Variants in UBQLN1 observed in about 807,000 individuals in gnomAD.
The protein encoded by UBQLN1 is ubiquilin 1, also known as ubiquilin-1.
A neutral mutation model predicts 65.4 loss-of-function variants in UBQLN1; 13 were observed. The ratio of observed to expected loss-of-function variants is 0.20; its 90% CI spans 0.13 to 0.32. The LOEUF (loss-of-function observed/expected upper bound fraction) is 0.32. UBQLN1 is among the 10% of genes least tolerant of loss of function. UBQLN1 has a pLI of 1.00. For synonymous variants in UBQLN1, 267 were observed against 247.8 expected (o/e 1.08, Z -0.73); for missense variants, 561 against 724.0 (o/e 0.77, Z 2.58).
chr9:83,669,376 A>G, intron 6 of UBQLN1, 49 bp from the exon 7 acceptor site: 1 of 1,517,590 alleles, frequency 6.6e-7, no homozygotes, highest in Non-Finnish European at 8.8e-7. Flanking sequence ...ATACTTAAAC[A>G]AAAGTTAAAG....
rs1831540859 is a variant in UBQLN1, at chr9:83,660,163, T to C, written c.*1624A>G. ...CTACTTATGCCTCCACCGTAACCTT[T>C]GTACTTGTTTTCCTCCTGGGGAAAG... is the stretch of plus-strand genomic sequence containing the variant. On this transcript the variant is annotated 3_prime_UTR_variant, in exon 11 of 11. Coordinates refer to ENST00000376395, the MANE Select transcript of UBQLN1 (RefSeq NM_013438.5). 6.6e-6 allele frequency: 1 copy of C among 152,606 alleles called. No homozygotes were observed. The highest frequency in any genetic ancestry group is 1.5e-5 in the Non-Finnish European group (1 of 68,032). The allele number at this position is 152,606 out of a possible 1,614,324, so 9.5% of individuals were successfully genotyped here. A position where few individuals can be genotyped will look rare whatever the true frequency, so the allele number is the denominator to read the frequency against.
chr9:83,667,919 T>C, intron 7 of UBQLN1: 2 of 982,644 alleles, frequency 2.0e-6, no homozygotes, highest in Non-Finnish European at 2.4e-6. Flanking sequence ...CATTTTGTTT[T>C]AGAGTAAAAA....
At chr9:83,683,296 C>A (rs1320846801) in intron 2 of UBQLN1, among the ~76,000 whole-genome samples, 2 of 151,730 alleles carry the variant, frequency 1.3e-5, no homozygotes, top group Admixed American at 6.6e-5. Flanking sequence ...CCTATAGTCC[C>A]AGCTACTTGG....
intron 1 of UBQLN1, among the ~76,000 whole-genome samples, chr9:83,705,245 C>CATTTTTTTTTT (rs1564175219): frequency 2.5e-5 from 1 of 40,044 alleles, no homozygotes; most frequent in Non-Finnish European, 4.2e-5. Context: ...AGCCAGCACT[C>CATTTTTTTTTT]CTTTTTTTTT....
chr9:83,702,069 CAT>C (rs1293441282), intron 1 of UBQLN1, among the ~76,000 whole-genome samples: 5 of 152,154 alleles, frequency 3.3e-5, no homozygotes, highest in African/African-American at 7.2e-5. Context: ...CAAAAGACCA[CAT>C]GATTCCACTT....
intron 6 of UBQLN1, among the ~76,000 whole-genome samples, chr9:83,671,802 A>G (rs1831736379): frequency 4.6e-5 from 7 of 152,240 alleles, no homozygotes. Context: ...TAGCCCCAAC[A>G]GTCAGCCTTT....
Position 83,682,515 on chromosome 9 carries a change from A to G in UBQLN1, c.448+436T>C, listed in dbSNP as rs530372923. On this transcript the variant is annotated intron_variant, in intron 3 of 10. Transcript: ENST00000376395. The stretch of plus-strand genomic sequence containing the variant: ...CAAACAAACAAACAAACAAAAACTA[A>G]TATAAGAAAAACAAAAGCAGTTTTA... Among the ~76,000 whole-genome samples the G allele has an allele frequency of 2.0e-5, 3 of 152,116 alleles. No individual in the cohort carries two copies. In the East Asian group the frequency reaches 5.8e-4, roughly 29 times the overall value.
intron 1 of UBQLN1, among the ~76,000 whole-genome samples, chr9:83,696,721 T>C (rs1832221986): frequency 6.6e-6 from 1 of 152,012 alleles, no homozygotes; most frequent in Non-Finnish European, 1.5e-5. Flanking sequence ...ATTCAATAAA[T>C]ACTTGTCTAC....
rs377581389 is a variant in UBQLN1 at position 83,677,755 on chromosome 9, A to C, written c.1077T>G (p.Thr359=). ...TASGTSGQST[T]APNLVPGVGA... The stretch of plus-strand genomic sequence containing the variant: ...CTACTCCAGGCACCAAATTTGGCGC[A>C]GTAGTACTCTGCCCAGAAGTGCCAC... The change falls in exon 6 of 11, where the codon ACT becomes ACG. Residue 359 remains threonine, a synonymous_variant. Coordinates refer to ENST00000376395, the MANE Select transcript of UBQLN1 (RefSeq NM_013438.5). 4.5e-4 allele frequency: 730 copies of C among 1,614,008 alleles called. 1 individual carries two copies. Among genetic ancestry groups the C allele is most frequent in the Non-Finnish European group, 5.5e-4 (648 of 1,179,976 alleles).
chr9:83,691,574 C>T (rs1305577786), intron 1 of UBQLN1, among the ~76,000 whole-genome samples: 1 of 152,214 alleles, frequency 6.6e-6, no homozygotes, highest in African/African-American at 2.4e-5. Context: ...TAGGACACTA[C>T]ACCACACATT....
chr9:83,662,267 TACATATACACAC>T (rs1232676310), intron 10 of UBQLN1, among the ~76,000 whole-genome samples: 7 of 129,086 alleles, frequency 5.4e-5, no homozygotes, highest in African/African-American at 2.0e-4. Flanking sequence ...TATATACATA[TACATATACACAC>T]ACACACACAC....
intron 2 of UBQLN1, among the ~76,000 whole-genome samples, chr9:83,684,125 A>G (rs1159676751): frequency 6.6e-6 from 1 of 152,176 alleles, no homozygotes; most frequent in Non-Finnish European, 1.5e-5. Context: ...AAATTCTTGA[A>G]AACAATAAAA....
At chr9:83,690,836 G>A (rs1289143791) in intron 1 of UBQLN1, among the ~76,000 whole-genome samples, 1 of 151,942 alleles carries the variant, frequency 6.6e-6, no homozygotes, top group East Asian at 1.9e-4. Context: ...CTTCCCCAAA[G>A]CTAAAATATG....
At chr9:83,704,450 C>A (rs939699214) in intron 1 of UBQLN1, among the ~76,000 whole-genome samples, 2 of 152,148 alleles carry the variant, frequency 1.3e-5, no homozygotes, top group African/African-American at 2.4e-5. Flanking sequence ...TCTGCTTCAA[C>A]ATAAAACAAT....
At chr9:83,695,963 C>T (rs144452583) in intron 1 of UBQLN1, among the ~76,000 whole-genome samples, 34 of 150,870 alleles carry the variant, frequency 2.3e-4, no homozygotes, top group African/African-American at 8.0e-4. Context: ...TTTTTTGAGT[C>T]GGAGTCTCAC....
Position 83,684,828 on chromosome 9 carries a change from A to G in UBQLN1, c.332+1176T>C, listed in dbSNP as rs1013934449. 2.3e-3 allele frequency among the ~76,000 whole-genome samples: 351 copies of G among 149,884 alleles called. 6 individuals carry two copies. The highest frequency in any genetic ancestry group is 8.3e-3 in the African/African-American group (337 of 40,784). On this transcript the variant is annotated intron_variant, in intron 2 of 10. Coordinates refer to ENST00000376395, the MANE Select transcript of UBQLN1 (RefSeq NM_013438.5). ...TCCGTCTCAAAAAAAAAAAAAAAAAAGTAAGGAAATAAAAAAAACCCTTCC... is the reference window on the plus strand; with the variant it reads ...TCCGTCTCAAAAAAAAAAAAAAAAAGGTAAGGAAATAAAAAAAACCCTTCC...
At chr9:83,705,539 G>A (rs73478129) in intron 1 of UBQLN1, among the ~76,000 whole-genome samples, 1,889 of 152,246 alleles carry the variant, frequency 0.012, 38 homozygotes, top group African/African-American at 0.04. Flanking sequence ...CACCGCATCC[G>A]GCCCAGAAGC....
Position 83,707,701 on chromosome 9 carries a change from G to A in UBQLN1, c.-22C>T, listed in dbSNP as rs962325693. On this transcript the variant is annotated 5_prime_UTR_variant, in exon 1 of 11. Coordinates refer to ENST00000376395, the MANE Select transcript of UBQLN1 (RefSeq NM_013438.5). ...CCATGGCTGTGGCGGCGGCGGCGGC[G>A]GTGACTCAGGCAAGCAGGAGGGAGC... The A allele has an allele frequency of 1.2e-5, 18 of 1,524,572 alleles. No individual in the cohort carries two copies. The highest frequency in any genetic ancestry group is 1.6e-5 in the Non-Finnish European group (18 of 1,142,240). The allele number at this position is 1,524,572 out of a possible 1,614,324, so 94.4% of individuals were successfully genotyped here. A position where few individuals can be genotyped will look rare whatever the true frequency, so the allele number is the denominator to read the frequency against.
intron 1 of UBQLN1, among the ~76,000 whole-genome samples, chr9:83,705,212 T>C (rs995566295): frequency 5.9e-5 from 9 of 151,374 alleles, no homozygotes; most frequent in Admixed American, 5.3e-4. Flanking sequence ...GATACAAGCA[T>C]TTTTCAGTAT....
Sources: gnomAD v4.1 joint callset for allele counts (sites outside exome capture counted in the v4.1 genomes callset) on GRCh38, gnomAD v4.1.1 for gene constraint, MANE v1.5 for transcripts, NCBI Gene and HGNC (gene_info 2026-07-23, HGNC 2026-07-21) for gene names.